MED13L: variants seen among roughly 807,000 people sequenced by gnomAD.
MED13L encodes mediator complex subunit 13L, also known as mediator of RNA polymerase II transcription subunit 13-like.
Under a neutral mutation model 220.9 loss-of-function variants are expected in MED13L, and 7 were observed. The observed-to-expected ratio is 0.03, with a 90% CI of 0.02 to 0.06. The LOEUF is 0.06. MED13L is among the 10% of genes least tolerant of loss of function. The pLI, the probability that MED13L is intolerant of heterozygous loss-of-function variation, is 1.00. For missense variants in MED13L, 1,965 were observed against 2,760.5 expected (o/e 0.71, Z 6.46); for synonymous variants, 1,011 against 1,015.2 (o/e 1.00, Z 0.08).
intron 3 of MED13L, among the ~76,000 whole-genome samples, chr12:116,107,860 G>C (rs1395273126): frequency 6.6e-6 from 1 of 152,198 alleles, no homozygotes; most frequent in East Asian, 1.9e-4. Flanking sequence ...GGGAGGCCAA[G>C]GCGGGTGGAT....
chr12:116,187,673 G>A (rs1462691441), intron 2 of MED13L, among the ~76,000 whole-genome samples: 1 of 151,898 alleles, frequency 6.6e-6, no homozygotes, highest in African/African-American at 2.4e-5. Context: ...CTAATCATAG[G>A]GGATGTATAG....
At chr12:116,079,848 A>C (rs1871103703) in intron 4 of MED13L, among the ~76,000 whole-genome samples, 1 of 152,118 alleles carries the variant, frequency 6.6e-6, no homozygotes, top group Non-Finnish European at 1.5e-5. Context: ...GAATCCACAT[A>C]AACAAAAGCA....
Position 116,109,428 on chromosome 12 carries a change from CA to C in MED13L, c.395+1999del, listed in dbSNP as rs1455118898. 3.9e-5 allele frequency among the ~76,000 whole-genome samples: 6 copies of C among 151,992 alleles called. No individual in the cohort carries two copies. In the South Asian group the frequency reaches 1.2e-3, roughly 32 times the overall value. ...TTCTGCTCTTCTAATTGTCTCTCGA[CA>C]AAGAAACATGCTACCATTGCCAGTA... On this transcript the variant is annotated intron_variant, in intron 3 of 30. Coordinates refer to ENST00000281928, the MANE Select transcript of MED13L (RefSeq NM_015335.5).
intron 2 of MED13L, among the ~76,000 whole-genome samples, chr12:116,170,990 A>T (rs1162949285): frequency 6.6e-6 from 1 of 152,246 alleles, no homozygotes; most frequent in Non-Finnish European, 1.5e-5. Flanking sequence ...GTTTGCTGTT[A>T]CTGCCTTGAT....
At chr12:116,183,018 A>G (rs957264442) in intron 2 of MED13L, among the ~76,000 whole-genome samples, 1 of 152,270 alleles carries the variant, frequency 6.6e-6, no homozygotes, top group Non-Finnish European at 1.5e-5. Flanking sequence ...GAATGAATGT[A>G]TTTTTGCATG....
chr12:116,269,328 A>G (rs1845049166), intron 1 of MED13L, among the ~76,000 whole-genome samples: 1 of 152,062 alleles, frequency 6.6e-6, no homozygotes, highest in Non-Finnish European at 1.5e-5. Context: ...AAGAGCTGGG[A>G]TTACAGGCCT....
intron 3 of MED13L, among the ~76,000 whole-genome samples, chr12:116,105,153 G>A (rs1008682428): frequency 5.9e-5 from 9 of 152,062 alleles, no homozygotes; most frequent in Non-Finnish European, 1.2e-4. Context: ...TTTTCCCATC[G>A]TCTATTGATA....
chr12:116,154,241 AAG>A (rs1878267505), intron 2 of MED13L, among the ~76,000 whole-genome samples: 1 of 152,174 alleles, frequency 6.6e-6, no homozygotes, highest in East Asian at 1.9e-4. Flanking sequence ...ACCCAGGAGA[AAG>A]AGAGGATTTT....
chr12:116,132,777 G>A (rs1323144626), intron 2 of MED13L, among the ~76,000 whole-genome samples: 5 of 151,972 alleles, frequency 3.3e-5, no homozygotes, highest in African/African-American at 4.8e-5. Flanking sequence ...AAAATTAGCC[G>A]GGTGTGGTGG....
intron 2 of MED13L, among the ~76,000 whole-genome samples, chr12:116,114,968 T>C (rs1593061167): frequency 6.6e-6 from 1 of 152,218 alleles, no homozygotes; most frequent in East Asian, 1.9e-4. Flanking sequence ...ATAGAAAAAT[T>C]CTTGATGCCA....
intron 4 of MED13L, among the ~76,000 whole-genome samples, chr12:116,093,380 T>A (rs1488842062): frequency 6.6e-6 from 1 of 151,738 alleles, no homozygotes; most frequent in African/African-American, 2.4e-5. Flanking sequence ...AACTACCTAA[T>A]CAAATACATA....
At chr12:115,984,722 T>C (rs944250122) in intron 19 of MED13L, among the ~76,000 whole-genome samples, 1 of 152,170 alleles carries the variant, frequency 6.6e-6, no homozygotes, top group Non-Finnish European at 1.5e-5. Flanking sequence ...CTGAGACATA[T>C]GCCCACTAAA....
At chr12:116,110,293 T>C (rs1032426406) in intron 3 of MED13L, 3 of 151,972 alleles carry the variant, frequency 2.0e-5, no homozygotes, top group Non-Finnish European at 2.9e-5. Flanking sequence ...TAAATGATGG[T>C]AAAAATCAAC....
intron 2 of MED13L, among the ~76,000 whole-genome samples, chr12:116,211,663 C>A (rs1434551056): frequency 1.1e-4 from 16 of 151,424 alleles, no homozygotes; most frequent in Non-Finnish European, 2.2e-4. Context: ...CGTTAAGTGA[C>A]AAAAAAAACA....
intron 1 of MED13L, among the ~76,000 whole-genome samples, chr12:116,274,762 C>G (rs1873673927): frequency 6.6e-6 from 1 of 151,654 alleles, no homozygotes; most frequent in East Asian, 1.9e-4. Flanking sequence ...ATCAACTAAG[C>G]ATTTCTATGG....
intron 2 of MED13L, among the ~76,000 whole-genome samples, chr12:116,200,128 T>A (rs1881917066): frequency 6.6e-6 from 1 of 151,748 alleles, no homozygotes; most frequent in South Asian, 2.1e-4. Flanking sequence ...AACATTATTT[T>A]AAATAGCCTG....
chr12:116,236,887 T>C, intron 2 of MED13L: 1 of 984,900 alleles, frequency 1.0e-6, no homozygotes, highest in African/African-American at 1.7e-5. Flanking sequence ...GGAGCCAATG[T>C]TTCCTGGAAT....
At chr12:116,251,297 C>A (rs1871526766) in intron 1 of MED13L, among the ~76,000 whole-genome samples, 1 of 132,678 alleles carries the variant, frequency 7.5e-6, no homozygotes, top group Non-Finnish European at 1.6e-5. Flanking sequence ...CAGAGATTCT[C>A]ATCATGGATC....
chr12:116,135,184 CA>C (rs1876429058), intron 2 of MED13L, among the ~76,000 whole-genome samples: 1 of 152,040 alleles, frequency 6.6e-6, no homozygotes, highest in Admixed American at 6.6e-5. Flanking sequence ...AACAAACAAA[CA>C]AAAAAGCAAG....
Sources: allele counts gnomAD v4.1 joint callset (sites outside exome capture counted in the v4.1 genomes callset), GRCh38; gene constraint gnomAD v4.1.1; transcripts MANE v1.5; gene names NCBI Gene and HGNC (gene_info 2026-07-23, HGNC 2026-07-21).